Variants in LRPPRC observed in about 807,000 individuals in gnomAD.
The protein encoded by LRPPRC is leucine-rich PPR motif-containing protein, mitochondrial.
Under a neutral mutation model 180.3 loss-of-function variants are expected in LRPPRC, and 120 were observed. The ratio of observed to expected loss-of-function variants is 0.67; its 90% CI spans 0.57 to 0.77. The LOEUF is 0.77. Ranked by LOEUF, LRPPRC falls within the 30% of genes least tolerant of loss-of-function variation. The pLI, the probability that LRPPRC is intolerant of heterozygous loss-of-function variation, is 0.00. For synonymous variants in LRPPRC, 723 were observed against 600.0 expected (o/e 1.21, Z -3.00); for missense variants, 2,012 against 1,657.2 (o/e 1.21, Z -3.72).
chr2:43,901,796 G>A lies in LRPPRC; in HGVS notation c.3365-272C>T, dbSNP rs1670898046. On this transcript the variant is annotated intron_variant, in intron 31 of 37. Coordinates refer to ENST00000260665, the MANE Select transcript of LRPPRC (RefSeq NM_133259.4). Reference sequence around the variant, plus strand: ...ACCGACAATATGAGTTCCATTTAGGGATAACATTCAGTGACTAAAGTTGGT... The same window carrying A: ...ACCGACAATATGAGTTCCATTTAGGAATAACATTCAGTGACTAAAGTTGGT... 1.0e-5 allele frequency: 4 copies of A among 398,228 alleles called. No individual in the cohort carries two copies. In the South Asian group the frequency reaches 1.2e-4, roughly 12 times the overall value. 24.7% of individuals were successfully genotyped at this position (398,228 alleles called of 1,614,324 possible).
At chr2:43,952,717 C>T (rs1672953210) in intron 14 of LRPPRC, among the ~76,000 whole-genome samples, 3 of 152,092 alleles carry the variant, frequency 2.0e-5, no homozygotes, top group Admixed American at 1.3e-4. Flanking sequence ...TATTTAAGTT[C>T]TTTGTTTCCC....
intron 27 of LRPPRC, 100 bp from the exon 28 acceptor site, chr2:43,918,498 T>C: frequency 1.1e-6 from 1 of 935,148 alleles, no homozygotes. Flanking sequence ...AAGAAAGCAT[T>C]ATTCCAAATG....
rs1042867288 is a variant in LRPPRC at position 43,888,169 on chromosome 2, T to C, written c.*431A>G. 2 of 211,702 alleles carry C rather than the reference T, an allele frequency of 9.4e-6. No individual in the cohort carries two copies. Among genetic ancestry groups the C allele is most frequent in the South Asian group, 7.6e-5 (1 of 13,244 alleles). The allele number at this position is 211,702 out of a possible 1,614,324, so 13.1% of individuals were successfully genotyped here. On this transcript the variant is annotated 3_prime_UTR_variant, in exon 38 of 38. Coordinates refer to ENST00000260665, the MANE Select transcript of LRPPRC (RefSeq NM_133259.4). ...CGAAAGTTATGCAGGACTTCACACA[T>C]GTACGGAATGGCTGTATCACAGAAT...
chr2:43,995,926 C>T lies in LRPPRC; in HGVS notation c.22G>A (p.Ala8Thr). 1.3e-6 allele frequency: 2 copies of T among 1,519,154 alleles called. No individual in the cohort carries two copies. The highest frequency in any genetic ancestry group is 2.0e-5 in the Admixed American group (1 of 49,528). 94.1% of individuals were successfully genotyped at this position (1,519,154 alleles called of 1,614,324 possible). A position where few individuals can be genotyped will look rare whatever the true frequency, so the allele number is the denominator to read the frequency against. Residue 8 changes from alanine to threonine, a missense_variant, in exon 1 of 38, where the codon GCG becomes ACG. By Grantham distance (58) the Ala-to-Thr change is moderately conservative. Coordinates refer to ENST00000260665, the MANE Select transcript of LRPPRC (RefSeq NM_133259.4). ...GCCCCGGCACGCAGCAACCAACGCGCGGATCTCAGCAGGGCTGCCATTGCT... is the reference window on the plus strand; with the variant it reads ...GCCCCGGCACGCAGCAACCAACGCGTGGATCTCAGCAGGGCTGCCATTGCT... MAALLRS[A>T]RWLLRAGAAP... is the part of the protein sequence containing the mutation.
At chr2:43,898,087 A>AAC (rs1491448448) in intron 34 of LRPPRC, among the ~76,000 whole-genome samples, 5 of 150,928 alleles carry the variant, frequency 3.3e-5, no homozygotes, top group South Asian at 4.2e-4. Context: ...AAAAAAAAAA[A>AAC]ACAAAGGAAA....
At chr2:43,993,679 G>A (rs1674887705) in intron 1 of LRPPRC, among the ~76,000 whole-genome samples, 1 of 151,234 alleles carries the variant, frequency 6.6e-6, no homozygotes, top group Non-Finnish European at 1.5e-5. Flanking sequence ...GCTGTCACCT[G>A]AACACACAGT....
chr2:43,981,061 G>C (rs1031248198), intron 2 of LRPPRC, among the ~76,000 whole-genome samples: 17 of 152,134 alleles, frequency 1.1e-4, no homozygotes, highest in African/African-American at 3.6e-4. Context: ...GCTTTAGGAA[G>C]CTACAGAATC....
intron 30 of LRPPRC, among the ~76,000 whole-genome samples, chr2:43,907,378 A>G (rs1671097923): frequency 6.6e-6 from 1 of 152,228 alleles, no homozygotes; most frequent in Non-Finnish European, 1.5e-5. Flanking sequence ...AGTTGCGGGT[A>G]GAGATCTTTA....
At chr2:43,980,081 A>G in intron 2 of LRPPRC, 133 bp from the exon 3 acceptor site, 1 of 823,182 alleles carries the variant, frequency 1.2e-6, no homozygotes, top group Non-Finnish European at 2.0e-6. Flanking sequence ...ATAAATTAGA[A>G]AAATCCTATC....
In LRPPRC at chr2:43,947,355, A is replaced by G; in HGVS notation, c.1981T>C (p.Ser661Pro). The G allele has an allele frequency of 6.4e-7, 1 of 1,572,066 alleles. No homozygotes were observed. The highest frequency in any genetic ancestry group is 1.1e-5 in the South Asian group (1 of 90,208). ...TCAAGTGTGGACTCCAATTCAGATG[A>G]TGTAAGTTGCACAGTCTACAGAAAA... ...LDFQKTVQLTSSELESTLETL... is the reference protein window; with the variant it reads ...LDFQKTVQLTPSELESTLETL... Residue 661 changes from serine to proline, a missense_variant, in exon 20 of 38, where the codon TCA becomes CCA. Transcript: ENST00000260665.
intron 21 of LRPPRC, 24 bp from the exon 22 acceptor site, chr2:43,945,441 A>C (rs1397818321): frequency 2.1e-6 from 3 of 1,413,582 alleles, no homozygotes. Context: ...CCACATTTAT[A>C]TTGTTTTAAA....
rs1483977845 is a variant in LRPPRC at position 43,925,557 on chromosome 2, A to AC, written c.2805+335dup. On this transcript the variant is annotated intron_variant, in intron 26 of 37. Coordinates refer to ENST00000260665, the MANE Select transcript of LRPPRC (RefSeq NM_133259.4). ...TGGCATGGTGCAAACAGGTACCTGC[A>AC]CCAGAGGAGGGCAAGCAGAAATTCC... Among the ~76,000 whole-genome samples, 3 of 152,134 alleles carry AC rather than the reference A, an allele frequency of 2.0e-5. No individual in the cohort carries two copies. The East Asian group carries it at 5.8e-4, about 29-fold the overall frequency.
At chr2:43,971,925 C>T (rs1450958017) in intron 11 of LRPPRC, among the ~76,000 whole-genome samples, 1 of 152,128 alleles carries the variant, frequency 6.6e-6, no homozygotes, top group East Asian at 1.9e-4. Context: ...TCAGAACACA[C>T]AATATAAAAG....
chr2:43,929,911 G>A (rs1672023477), intron 25 of LRPPRC, among the ~76,000 whole-genome samples: 1 of 151,982 alleles, frequency 6.6e-6, no homozygotes, highest in Non-Finnish European at 1.5e-5. Context: ...ATATTTACAT[G>A]AGAACTGACA....
chr2:43,958,479 A>C (rs1317833045), intron 13 of LRPPRC, among the ~76,000 whole-genome samples: 1 of 152,152 alleles, frequency 6.6e-6, no homozygotes, highest in Non-Finnish European at 1.5e-5. Context: ...ACATAAGGAG[A>C]ATTGTTTTAG....
chr2:43,929,004 A>C (rs1671987711), intron 25 of LRPPRC, among the ~76,000 whole-genome samples: 1 of 152,228 alleles, frequency 6.6e-6, no homozygotes, highest in Non-Finnish European at 1.5e-5. Context: ...TATCATTATA[A>C]TAAAGTAAGC....
At chr2:43,960,064 C>T (rs1028883896) in intron 13 of LRPPRC, among the ~76,000 whole-genome samples, 6 of 152,066 alleles carry the variant, frequency 3.9e-5, no homozygotes, top group African/African-American at 9.7e-5. Context: ...TTATAAAGCA[C>T]ACTAGTGTTT....
chr2:43,943,975 C>T, intron 22 of LRPPRC, 81 bp from the exon 23 acceptor site: 1 of 980,776 alleles, frequency 1.0e-6, no homozygotes, highest in East Asian at 2.5e-5. Context: ...ATTTCAAGCC[C>T]AGCAGGAATG....
intron 36 of LRPPRC, among the ~76,000 whole-genome samples, chr2:43,891,075 G>A (rs1256689547): frequency 2.0e-5 from 3 of 152,216 alleles, no homozygotes; most frequent in Non-Finnish European, 2.9e-5. Flanking sequence ...TGACTCATCA[G>A]CTCTTAGTGG....
Sources: gnomAD v4.1 joint callset for allele counts (sites outside exome capture counted in the v4.1 genomes callset) on GRCh38, gnomAD v4.1.1 for gene constraint, MANE v1.5 for transcripts, NCBI Gene and HGNC (gene_info 2026-07-23, HGNC 2026-07-21) for gene names.